EVC2: variants seen among roughly 807,000 people sequenced by gnomAD.
The protein encoded by EVC2 is EvC ciliary complex subunit 2.
In EVC2, 148 loss-of-function variants were observed where a neutral mutation model predicts 149.3. The ratio of observed to expected loss-of-function variants is 0.99; its 90% CI spans 0.87 to 1.14. The LOEUF is 1.14. EVC2 is among the 50% of genes most tolerant of loss of function. EVC2 has a pLI of 0.00. For synonymous variants in EVC2, 776 were observed against 649.9 expected, an observed-to-expected ratio of 1.19 and a Z score of -2.95; for missense variants, 1,854 against 1,627.3, an observed-to-expected ratio of 1.14 and a Z score of -2.40.
downstream of EVC2, among the ~76,000 whole-genome samples, chr4:5,541,154 T>G (rs1721504252): frequency 6.6e-6 from 1 of 152,124 alleles, no homozygotes; most frequent in South Asian, 2.1e-4. Flanking sequence ...GGAATCAGGG[T>G]AGGCAAAAAA....
intron 16 of EVC2, among the ~76,000 whole-genome samples, chr4:5,612,718 C>T (rs182594777): frequency 1.3e-5 from 2 of 151,964 alleles, no homozygotes; most frequent in East Asian, 1.9e-4. Flanking sequence ...GTCAGGAGAT[C>T]CAGACCATCC....
At position 5,685,433 on chromosome 4, in the gene EVC2, T is replaced by C. The variant is rs369737795; in HGVS notation, c.753A>G (p.Gly251=). 3.7e-6 allele frequency: 6 copies of C among 1,614,200 alleles called. No individual in the cohort carries two copies. The African/African-American group carries it at 6.7e-5, about 18-fold the overall frequency. ...TGAGGCTCTCCCCGTTCCCGAGGTC[T>C]CCAGCCTGGAGCGTGGCTGCGTAGC... ...AVSYAATLQA[G]DLGNGESLKL... The change falls in exon 6 of 22, where the codon GGA becomes GGG. Residue 251 remains glycine (G), a synonymous_variant. Transcript: ENST00000344408.
chr4:5,571,777 C>T lies in EVC2; in HGVS notation c.3360+2908G>A, dbSNP rs1374470199. 3.9e-5 allele frequency among the ~76,000 whole-genome samples: 6 copies of T among 152,284 alleles called. No individual in the cohort carries two copies. In the South Asian group the frequency reaches 6.2e-4, roughly 16 times the overall value. ...CCCAGATGTTCAGTTGAGCATTCCT[C>T]TTGTTGTTTCTGTGGGGGTGTTTTG... On this transcript the variant is annotated intron_variant, in intron 19 of 21. Coordinates refer to ENST00000344408, the MANE Select transcript of EVC2 (RefSeq NM_147127.5).
rs145226125 is a variant in EVC2 at position 5,589,135 on chromosome 4, G to C, written c.2830-4285C>G. ...ATATTTTTGTGTTTCTATAATTATT[G>C]AGCTTTGTTCTGAGATGCAGTTAAG... On this transcript the variant is annotated intron_variant, in intron 16 of 21. Transcript: ENST00000344408. 4.2e-3 allele frequency among the ~76,000 whole-genome samples: 642 copies of C among 152,274 alleles called. 7 individuals are homozygous for C. Among genetic ancestry groups the C allele is most frequent in the Middle Eastern group, 0.01 (3 of 294 alleles).
Position 5,637,856 on chromosome 4 carries a change from T to C in EVC2, c.1470+2658A>G, listed in dbSNP as rs1716994520. On this transcript the variant is annotated intron_variant, in intron 10 of 21. Coordinates refer to ENST00000344408, the MANE Select transcript of EVC2 (RefSeq NM_147127.5). The surrounding 1 kb of genome is among the most constrained non-coding windows in gnomAD (Gnocchi z 4.4). ...TTCTTTTTCAGCTTTGGTTCTGAAATCAGACAGCCTTTCTGTAAGGGGCCA... is the reference window on the plus strand; with the variant it reads ...TTCTTTTTCAGCTTTGGTTCTGAAACCAGACAGCCTTTCTGTAAGGGGCCA... Among the ~76,000 whole-genome samples the C allele has an allele frequency of 6.6e-6, 1 of 151,616 alleles. No individual in the cohort carries two copies. Among genetic ancestry groups the C allele is most frequent in the East Asian group, 1.9e-4 (1 of 5,150 alleles).
intron 17 of EVC2, among the ~76,000 whole-genome samples, chr4:5,583,016 A>C (rs551196289): frequency 6.6e-6 from 1 of 152,318 alleles, no homozygotes; most frequent in African/African-American, 2.4e-5. Flanking sequence ...TGAGCCAATT[A>C]AACCTCTTTC....
At chr4:5,621,489 C>T (rs1373833643) in intron 14 of EVC2, among the ~76,000 whole-genome samples, 1 of 152,192 alleles carries the variant, frequency 6.6e-6, no homozygotes, top group Non-Finnish European at 1.5e-5. Flanking sequence ...GTCTACATTG[C>T]CCATGTCTCA....
At chr4:5,560,681 A>G (rs116737925), downstream of EVC2, among the ~76,000 whole-genome samples, 334 of 152,332 alleles carry the variant, frequency 2.2e-3, no homozygotes, top group African/African-American at 7.6e-3. This position sits in a 1 kb window ranked among gnomAD's most constrained non-coding sequence, Gnocchi z 4.1. Context: ...ATGTTAAAAT[A>G]TAATAAAATA....
At chr4:5,556,786 A>G (rs1304711260) in intron 21 of EVC2, among the ~76,000 whole-genome samples, 1 of 152,204 alleles carries the variant, frequency 6.6e-6, no homozygotes, top group South Asian at 2.1e-4. Flanking sequence ...AAGCATCATA[A>G]AAGAATGCTG....
chr4:5,617,643 G>A lies in EVC2; in HGVS notation c.2706+835C>T, dbSNP rs145759244. On this transcript the variant is annotated intron_variant, in intron 15 of 21. Coordinates refer to ENST00000344408, the MANE Select transcript of EVC2 (RefSeq NM_147127.5). ...ATGTGATAAAGAATGCCTAGGGAGA[G>A]GGTAATTTTAGACAGGTGCTCAGGG... Among the ~76,000 whole-genome samples, 1,404 of 152,312 alleles carry A rather than the reference G, an allele frequency of 9.2e-3. 11 individuals are homozygous for A. Among genetic ancestry groups the A allele is most frequent in the Non-Finnish European group, 0.013 (897 of 68,030 alleles).
intron 5 of EVC2, among the ~76,000 whole-genome samples, chr4:5,687,303 C>A (rs1353648083): frequency 2.0e-5 from 3 of 152,108 alleles, no homozygotes; most frequent in Non-Finnish European, 4.4e-5. Context: ...CAACAAAATA[C>A]CTCCTATTAC....
At chr4:5,708,643 C>T, upstream of EVC2, 1 of 624,400 alleles carries the variant, frequency 1.6e-6, no homozygotes, top group Non-Finnish European at 2.5e-6. Flanking sequence ...GGAACAAACA[C>T]CCGCATCTGG....
chr4:5,536,475 T>C, the EVC2 span, among the ~76,000 whole-genome samples: 1 of 152,166 alleles, frequency 6.6e-6, no homozygotes, highest in African/African-American at 2.4e-5. Flanking sequence ...ATATTTTTAA[T>C]TTAAATCACA....
At chr4:5,582,355 T>C (rs1191846960) in intron 17 of EVC2, among the ~76,000 whole-genome samples, 2 of 152,246 alleles carry the variant, frequency 1.3e-5, no homozygotes, top group South Asian at 2.1e-4. Flanking sequence ...GTTCTGAATA[T>C]GAGACATGGA....
chr4:5,683,960 G>A (rs1015139413), intron 6 of EVC2, among the ~76,000 whole-genome samples: 6 of 151,990 alleles, frequency 3.9e-5, no homozygotes, highest in Admixed American at 1.3e-4. Context: ...ACAGCTGCCC[G>A]GGGCTTCAGC....
At chr4:5,628,023 TCTAGA>T (rs778535152) in intron 12 of EVC2, among the ~76,000 whole-genome samples, 8 of 152,176 alleles carry the variant, frequency 5.3e-5, no homozygotes, top group Non-Finnish European at 1.0e-4. Context: ...ACAGTCTATG[TCTAGA>T]CTATTGCATA....
At chr4:5,553,354 T>C (rs2108760489) in intron 21 of EVC2, among the ~76,000 whole-genome samples, 1 of 152,314 alleles carries the variant, frequency 6.6e-6, no homozygotes, top group East Asian at 1.9e-4. Flanking sequence ...ATATCCCCCA[T>C]GATCCAATCA....
At chr4:5,650,985 A>G (rs6830983) in intron 9 of EVC2, among the ~76,000 whole-genome samples, 90,238 of 151,872 alleles carry the variant, frequency 0.59, 26,987 homozygotes, top group African/African-American at 0.64. Flanking sequence ...CATTTTTTAC[A>G]GCACAGAAAA....
intron 13 of EVC2, among the ~76,000 whole-genome samples, chr4:5,624,984 C>T (rs762266512): frequency 2.2e-4 from 34 of 152,050 alleles, no homozygotes; most frequent in Non-Finnish European, 3.2e-4. Flanking sequence ...GGCCTGCATC[C>T]GCTCGCACCC....
Sources: gnomAD v4.1 joint callset for allele counts (sites outside exome capture counted in the v4.1 genomes callset) on GRCh38, gnomAD v4.1.1 for gene constraint, Gnocchi (gnomAD v3.1) non-coding constraint, MANE v1.5 for transcripts, NCBI Gene and HGNC (gene_info 2026-07-23, HGNC 2026-07-21) for gene names.